CLOCK: variants seen among roughly 807,000 people sequenced by gnomAD.
The protein encoded by CLOCK is circadian locomoter output cycles protein kaput.
CLOCK carries 43 observed loss-of-function variants against 118.4 expected under a neutral mutation model. The ratio of observed to expected loss-of-function variants is 0.36; its 90% CI spans 0.28 to 0.47. CLOCK has a LOEUF of 0.47. CLOCK is among the 20% of genes least tolerant of loss of function. The pLI, the probability that CLOCK is intolerant of heterozygous loss-of-function variation, is 1.00. For synonymous variants in CLOCK, 326 were observed against 339.2 expected (o/e 0.96, Z 0.43); for missense variants, 846 against 999.9 (o/e 0.85, Z 2.08).
intron 2 of CLOCK, among the ~76,000 whole-genome samples, chr4:55,490,035 C>A (rs1727566876): frequency 6.6e-6 from 1 of 151,808 alleles, no homozygotes; most frequent in South Asian, 2.1e-4. Flanking sequence ...TCAGTAATCA[C>A]TTTAAACGTA....
chr4:55,429,589 A>C lies in CLOCK; in HGVS notation c.*5826T>G, dbSNP rs1050867542. 6.6e-6 allele frequency: 1 copy of C among 152,216 alleles called. No individual in the cohort carries two copies. The highest frequency in any genetic ancestry group is 1.5e-5 in the Non-Finnish European group (1 of 68,032). The allele number at this position is 152,216 out of a possible 1,614,324, so 9.4% of individuals were successfully genotyped here. A position where few individuals can be genotyped will look rare whatever the true frequency, so the allele number is the denominator to read the frequency against. On this transcript the variant is annotated 3_prime_UTR_variant, in exon 23 of 23. Coordinates refer to ENST00000513440, the MANE Select transcript of CLOCK (RefSeq NM_004898.4). ...ATTCCGCCAAATTTAAGAACTTTAA[A>C]TGGATTTTAATATGGATATGATAAT...
At chr4:55,540,480 A>T (rs1731197254) in intron 1 of CLOCK, 1 of 152,148 alleles carries the variant, frequency 6.6e-6, no homozygotes. Flanking sequence ...TTAGCTAGGC[A>T]TATGGTCTAA....
chr4:55,534,164 AGC>A (rs1308351994), intron 1 of CLOCK, among the ~76,000 whole-genome samples: 7 of 152,168 alleles, frequency 4.6e-5, no homozygotes, highest in Admixed American at 6.5e-5. Context: ...TGTAATATGC[AGC>A]GAGTCAAGTG....
chr4:55,455,994 G>A lies in CLOCK; in HGVS notation c.885C>T (p.Pro295=), dbSNP rs769622834. ...KFLFLDHRAP[P]IIGYLPFEVL... Reference sequence around the variant, plus strand: ...CTTCAAATGGCAAATACCCTATTATGGGTGGTGCCCTAAATTACACAGAAA... The same window carrying A: ...CTTCAAATGGCAAATACCCTATTATAGGTGGTGCCCTAAATTACACAGAAA... The change falls in exon 13 of 23, where the codon CCC becomes CCT. Residue 295 remains proline, a synonymous_variant. Transcript: ENST00000513440. 2 of 1,611,342 alleles carry A rather than the reference G, an allele frequency of 1.2e-6. No homozygotes were observed. Among genetic ancestry groups the A allele is most frequent in the Non-Finnish European group, 1.7e-6 (2 of 1,178,020 alleles).
intron 19 of CLOCK, 142 bp from the exon 20 acceptor site, chr4:55,444,038 ATAAG>A (rs535756469): frequency 4.4e-5 from 29 of 658,486 alleles, no homozygotes; most frequent in Admixed American, 5.7e-5. Flanking sequence ...TTAGCAATAA[ATAAG>A]TAGTGAATAA....
chr4:55,455,993 T>C lies in CLOCK; in HGVS notation c.886A>G (p.Ile296Val), dbSNP rs1431150483. 3.1e-6 allele frequency: 5 copies of C among 1,610,846 alleles called. No individual in the cohort carries two copies. Among genetic ancestry groups the C allele is most frequent in the East Asian group, 2.2e-5 (1 of 44,752 alleles). ...FLFLDHRAPPIIGYLPFEVLG... is the reference protein window; with the variant it reads ...FLFLDHRAPPVIGYLPFEVLG... ...ACTTCAAATGGCAAATACCCTATTA[T>C]GGGTGGTGCCCTAAATTACACAGAA... is the stretch of plus-strand genomic sequence containing the variant. The change falls in exon 13 of 23, where the codon ATA becomes GTA. Residue 296 changes from isoleucine to valine, a missense_variant. By Grantham distance (29) the Ile-to-Val change is conservative (BLOSUM62 3). Coordinates refer to ENST00000513440, the MANE Select transcript of CLOCK (RefSeq NM_004898.4).
chr4:55,448,802 G>C lies in CLOCK; in HGVS notation c.1516C>G (p.Pro506Ala). Reference protein sequence around the residue: ...QPVMSQATNLPIPQGMSQFQF... With the variant: ...QPVMSQATNLAIPQGMSQFQF... ...ACCTGGGACATGCCTTGTGGAATTG[G>C]TAAATTTGTAGCTTGAGACATCACT... The change falls in exon 18 of 23, where the codon CCA becomes GCA. Residue 506 changes from proline (P) to alanine (A), a missense_variant. By Grantham distance (27) the Pro-to-Ala change is conservative. Around this residue, in one of 4 missense-constraint regions of CLOCK, gnomAD observed 520 missense variants for 558.0 expected, o/e 0.93. Coordinates refer to ENST00000513440, the MANE Select transcript of CLOCK (RefSeq NM_004898.4). The C allele has an allele frequency of 6.2e-7, 1 of 1,613,864 alleles. No homozygotes were observed. The highest frequency in any genetic ancestry group is 2.2e-5 in the East Asian group (1 of 44,818).
intron 1 of CLOCK, among the ~76,000 whole-genome samples, chr4:55,521,809 A>G (rs1411968917): frequency 6.6e-6 from 1 of 152,122 alleles, no homozygotes; most frequent in East Asian, 1.9e-4. Context: ...TCCATATGGT[A>G]TGCATATATG....
chr4:55,541,964 AC>A (rs1731298106), intron 1 of CLOCK, among the ~76,000 whole-genome samples: 1 of 148,590 alleles, frequency 6.7e-6, no homozygotes, highest in Admixed American at 6.7e-5. Context: ...AAAAAAAAAA[AC>A]AGCCAGAAAT....
chr4:55,456,391 A>G, intron 11 of CLOCK, 91 bp from the exon 12 acceptor site: 1 of 840,016 alleles, frequency 1.2e-6, no homozygotes, highest in South Asian at 1.5e-5. Flanking sequence ...GGCCAGGTGC[A>G]GTGGCTCACA....
At chr4:55,455,102 G>A (rs13125984) in intron 13 of CLOCK, among the ~76,000 whole-genome samples, 46,118 of 151,926 alleles carry the variant, frequency 0.3, 7,617 homozygotes, top group East Asian at 0.58. Flanking sequence ...AGCATAAAAC[G>A]TCATGAAAAG....
intron 1 of CLOCK, 72 bp downstream of exon 1, chr4:55,546,710 G>C (rs1731664366): frequency 6.8e-6 from 1 of 146,152 alleles, no homozygotes; most frequent in African/African-American, 2.5e-5. Flanking sequence ...CAGCCCAGGA[G>C]CGCGCATGCG....
chr4:55,535,444 T>A (rs1211356124), intron 1 of CLOCK, among the ~76,000 whole-genome samples: 1 of 152,124 alleles, frequency 6.6e-6, no homozygotes, highest in East Asian at 1.9e-4. Flanking sequence ...GAGTGGCTCA[T>A]GCCTGTAATC....
chr4:55,519,011 T>C (rs912090510), intron 1 of CLOCK, among the ~76,000 whole-genome samples: 1 of 152,184 alleles, frequency 6.6e-6, no homozygotes, highest in Non-Finnish European at 1.5e-5. Context: ...ACCTGTTTCC[T>C]TGGTTTCTCC....
intron 1 of CLOCK, among the ~76,000 whole-genome samples, chr4:55,515,574 G>A (rs1167879345): frequency 3.3e-5 from 5 of 152,004 alleles, no homozygotes; most frequent in South Asian, 2.1e-4. Flanking sequence ...TAGTAGAGAC[G>A]GGGTTTCACC....
intron 22 of CLOCK, 92 bp from the exon 23 acceptor site, chr4:55,435,686 A>G (rs1577662984): frequency 7.7e-7 from 1 of 1,299,706 alleles, no homozygotes; most frequent in Non-Finnish European, 1.1e-6. Flanking sequence ...CATAGGGACA[A>G]AATCCTTAAA....
At chr4:55,456,563 G>T (rs1456359734) in intron 11 of CLOCK, among the ~76,000 whole-genome samples, 1 of 152,076 alleles carries the variant, frequency 6.6e-6, no homozygotes, top group Admixed American at 6.6e-5. Context: ...TCGGCAGGCT[G>T]AGGCAGCAGG....
intron 9 of CLOCK, among the ~76,000 whole-genome samples, chr4:55,460,635 C>T (rs1366385161): frequency 6.6e-6 from 1 of 152,158 alleles, no homozygotes; most frequent in Non-Finnish European, 1.5e-5. Context: ...ATTCATTATG[C>T]CTCCACATTC....
intron 8 of CLOCK, among the ~76,000 whole-genome samples, chr4:55,465,684 G>C (rs147913159): frequency 2.0e-5 from 3 of 152,288 alleles, no homozygotes; most frequent in Non-Finnish European, 4.4e-5. Context: ...TGGGTGCAGT[G>C]GTCATGCCTG....
Sources: gnomAD v4.1 joint callset for allele counts (sites outside exome capture counted in the v4.1 genomes callset) on GRCh38, gnomAD v4.1.1 for gene constraint, gnomAD v4.1.1 regional missense constraint, MANE v1.5 for transcripts, NCBI Gene and HGNC (gene_info 2026-07-23, HGNC 2026-07-21) for gene names.